Variants in PRKAG2 observed in about 807,000 individuals in gnomAD.
PRKAG2 encodes 5'-AMP-activated protein kinase subunit gamma-2.
A neutral mutation model predicts 69.6 loss-of-function variants in PRKAG2; 26 were observed. The observed-to-expected ratio is 0.37, with a 90% CI of 0.27 to 0.52. The LOEUF is 0.52. PRKAG2 is among the 20% of genes least tolerant of loss of function. The pLI is 0.90. For missense variants in PRKAG2, 557 were observed against 740.0 expected, an observed-to-expected ratio of 0.75 and a Z score of 2.87; for synonymous variants, 293 against 285.0, an observed-to-expected ratio of 1.03 and a Z score of -0.28.
rs57382424 is a variant in PRKAG2, at chr7:151,838,706, CAAAAAAA to C, written c.114+37794_114+37800del. Among the ~76,000 whole-genome samples, 55 of 92,220 alleles carry C rather than the reference CAAAAAAA, an allele frequency of 6.0e-4. 1 individual carries two copies. The highest frequency in any genetic ancestry group is 5.7e-3 in the Middle Eastern group (1 of 174). 60.5% of individuals were successfully genotyped at this position (92,220 alleles called of 152,430 possible). A position where few individuals can be genotyped will look rare whatever the true frequency, so the allele number is the denominator to read the frequency against. Reference sequence around the variant, plus strand: ...AGGGAGATAAAGCAAGACCCTGTTTCAAAAAAAAAAAAAAAAAAGTAAAGAAGGCCAG... The same window carrying C: ...AGGGAGATAAAGCAAGACCCTGTTTCAAAAAAAAAAAGTAAAGAAGGCCAG... On this transcript the variant is annotated intron_variant, in intron 1 of 15. Coordinates refer to ENST00000287878, the MANE Select transcript of PRKAG2 (RefSeq NM_016203.4).
At position 151,876,909 on chromosome 7, in the gene PRKAG2, T is replaced by A. The variant is rs1056068503; in HGVS notation, c.-289A>T. 228 of 517,642 alleles carry A rather than the reference T, an allele frequency of 4.4e-4. 2 individuals carry two copies. The highest frequency in any genetic ancestry group is 2.0e-4 in the Non-Finnish European group (56 of 285,626). 32.1% of individuals were successfully genotyped at this position (517,642 alleles called of 1,614,324 possible). A position where few individuals can be genotyped will look rare whatever the true frequency, so the allele number is the denominator to read the frequency against. ...GTTACTCGTGGCTGAGGTCTCCCGCTGGGTGACAAAGTTTTCTTCCTTTTG... is the reference window on the plus strand; with the variant it reads ...GTTACTCGTGGCTGAGGTCTCCCGCAGGGTGACAAAGTTTTCTTCCTTTTG... On this transcript the variant is annotated 5_prime_UTR_variant, in exon 1 of 16. Transcript: ENST00000287878.
At chr7:151,608,482 G>T (rs545560354) in intron 5 of PRKAG2, among the ~76,000 whole-genome samples, 5 of 152,076 alleles carry the variant, frequency 3.3e-5, no homozygotes, top group Non-Finnish European at 7.4e-5. Flanking sequence ...CATGCGCACC[G>T]GGGGGCAGCA....
intron 1 of PRKAG2, among the ~76,000 whole-genome samples, chr7:151,843,994 A>G (rs2079371550): frequency 1.3e-5 from 2 of 152,262 alleles, no homozygotes; most frequent in African/African-American, 4.8e-5. Flanking sequence ...CCAAGGCCTC[A>G]GCCTGGGCCT....
chr7:151,672,263 G>A (rs921283087), intron 4 of PRKAG2, among the ~76,000 whole-genome samples: 36 of 151,858 alleles, frequency 2.4e-4, no homozygotes, highest in African/African-American at 8.0e-4. Flanking sequence ...CATCACGCCC[G>A]GGTAATTTTT....
At position 151,857,271 on chromosome 7, in the gene PRKAG2, GCCAGCTC is replaced by G. The variant is rs1357436088; in HGVS notation, c.114+19229_114+19235del. ...TGACATTCAGGACCTTTCTGCTCCT[GCCAGCTC>G]CCAGCTCCCAGATCACTGAGCCCTA... is the stretch of plus-strand genomic sequence containing the variant. On this transcript the variant is annotated intron_variant, in intron 1 of 15. Coordinates refer to ENST00000287878, the MANE Select transcript of PRKAG2 (RefSeq NM_016203.4). Among the ~76,000 whole-genome samples, 6 of 152,074 alleles carry G rather than the reference GCCAGCTC, an allele frequency of 3.9e-5. No individual in the cohort carries two copies. In the East Asian group the frequency reaches 9.7e-4, roughly 25 times the overall value.
At chr7:151,698,868 C>G (rs531963273) in intron 3 of PRKAG2, among the ~76,000 whole-genome samples, 2 of 152,324 alleles carry the variant, frequency 1.3e-5, no homozygotes, top group Admixed American at 6.5e-5. Flanking sequence ...CCAGCGTCAG[C>G]CCCTTGCAGA....
intron 3 of PRKAG2, among the ~76,000 whole-genome samples, chr7:151,769,068 G>T (rs1401027869): frequency 6.6e-6 from 1 of 152,306 alleles, no homozygotes; most frequent in South Asian, 2.1e-4. Context: ...TTTACCAAAG[G>T]GCTGTGTCAG....
chr7:151,813,905 C>G (rs1336397878), intron 1 of PRKAG2, among the ~76,000 whole-genome samples: 1 of 152,198 alleles, frequency 6.6e-6, no homozygotes, highest in Admixed American at 6.5e-5. Flanking sequence ...ATCCCCAAAG[C>G]CCCCACATCA....
Position 151,632,498 on chromosome 7 carries a change from G to A in PRKAG2, c.685-360C>T, listed in dbSNP as rs961398637. On this transcript the variant is annotated intron_variant, in intron 4 of 15. Coordinates refer to ENST00000287878, the MANE Select transcript of PRKAG2 (RefSeq NM_016203.4). The surrounding 1 kb of genome is among the most constrained non-coding windows in gnomAD (Gnocchi z 4.2). Reference sequence around the variant, plus strand: ...GGGCGCCCCCCTCCGGCCGTGGCCCGCGTCCTCCCCGCCGTGCCGCCATTG... The same window carrying A: ...GGGCGCCCCCCTCCGGCCGTGGCCCACGTCCTCCCCGCCGTGCCGCCATTG... 8 of 869,326 alleles carry A rather than the reference G, an allele frequency of 9.2e-6. No homozygotes were observed. The highest frequency in any genetic ancestry group is 1.1e-5 in the Non-Finnish European group (8 of 725,120). 53.9% of individuals were successfully genotyped at this position (869,326 alleles called of 1,614,324 possible).
At chr7:151,805,340 G>A (rs990821076) in intron 1 of PRKAG2, among the ~76,000 whole-genome samples, 4 of 152,222 alleles carry the variant, frequency 2.6e-5, no homozygotes, top group African/African-American at 9.6e-5. Context: ...GCCCCAGGGA[G>A]TGATGTGAGA....
In PRKAG2 at chr7:151,777,102, A is replaced by C. The variant is rs2076403040; in HGVS notation, c.466+4050T>G. Among the ~76,000 whole-genome samples, 1 of 152,146 alleles carries C rather than the reference A, an allele frequency of 6.6e-6. No individual in the cohort carries two copies. Among genetic ancestry groups the C allele is most frequent in the Non-Finnish European group, 1.5e-5 (1 of 68,000 alleles). ...CTGCCTGTCTCGGCCCCTGGCTTTAAGGAAAGGGTGGAGGGGAGTCTGGGA... is the reference window on the plus strand; with the variant it reads ...CTGCCTGTCTCGGCCCCTGGCTTTACGGAAAGGGTGGAGGGGAGTCTGGGA... On this transcript the variant is annotated intron_variant, in intron 3 of 15. Coordinates refer to ENST00000287878, the MANE Select transcript of PRKAG2 (RefSeq NM_016203.4). The surrounding 1 kb of genome is among the most constrained non-coding windows in gnomAD (Gnocchi z 4.3).
chr7:151,801,918 G>T (rs1473577520), intron 1 of PRKAG2, among the ~76,000 whole-genome samples: 2 of 152,174 alleles, frequency 1.3e-5, no homozygotes, highest in African/African-American at 4.8e-5. Flanking sequence ...CGTCTCTTGG[G>T]ACAGAGTTTG....
intron 15 of PRKAG2, chr7:151,557,468 A>G (rs1803991619): frequency 1.0e-6 from 1 of 985,162 alleles, no homozygotes; most frequent in Admixed American, 6.2e-5. Flanking sequence ...AACTTGGAAA[A>G]CAAAAAAAAA....
intron 5 of PRKAG2, 69 bp from the exon 6 acceptor site, chr7:151,595,523 G>A (rs138600726): frequency 1.4e-5 from 15 of 1,070,702 alleles, no homozygotes; most frequent in Non-Finnish European, 1.9e-5. Flanking sequence ...GAGCATATAC[G>A]TAAACCTATC....
At chr7:151,628,351 T>C (rs1563294595) in intron 5 of PRKAG2, among the ~76,000 whole-genome samples, 2 of 152,312 alleles carry the variant, frequency 1.3e-5, no homozygotes, top group African/African-American at 4.8e-5. Flanking sequence ...GCAGTTAATA[T>C]AGATAAACAC....
At chr7:151,785,568 G>A (rs2076962973) in intron 2 of PRKAG2, among the ~76,000 whole-genome samples, 1 of 152,234 alleles carries the variant, frequency 6.6e-6, no homozygotes, top group African/African-American at 2.4e-5. Context: ...TGCTTAAAGA[G>A]GAGATTTGCT....
intron 5 of PRKAG2, among the ~76,000 whole-genome samples, chr7:151,602,353 T>C (rs377319478): frequency 2.0e-5 from 3 of 152,352 alleles, no homozygotes; most frequent in East Asian, 3.9e-4. Context: ...GTTCATTCAT[T>C]AAATCAAGAA....
intron 1 of PRKAG2, among the ~76,000 whole-genome samples, chr7:151,832,278 A>AGGGAG (rs1563737930): frequency 0.032 from 2,261 of 70,274 alleles, 80 homozygotes; most frequent in African/African-American, 0.091. Context: ...GGAGGAGGGA[A>AGGGAG]GGAAGGGAGG....
chr7:151,589,648 C>A (rs1025614929), intron 6 of PRKAG2, among the ~76,000 whole-genome samples: 11 of 152,180 alleles, frequency 7.2e-5, no homozygotes, highest in Admixed American at 2.6e-4. Context: ...AAGAAACTGG[C>A]ACCACGGCCG....
Sources: allele counts gnomAD v4.1 joint callset (sites outside exome capture counted in the v4.1 genomes callset), GRCh38; gene constraint gnomAD v4.1.1; non-coding constraint Gnocchi (gnomAD v3.1); transcripts MANE v1.5; gene names NCBI Gene and HGNC (gene_info 2026-07-23, HGNC 2026-07-21).